RNF220: variants seen among roughly 807,000 people sequenced by gnomAD.
The protein encoded by RNF220 is E3 ubiquitin-protein ligase RNF220.
A neutral mutation model predicts 67.1 loss-of-function variants in RNF220; 7 were observed. The ratio of observed to expected loss-of-function variants is 0.10; its 90% CI spans 0.06 to 0.20. The LOEUF is 0.20. RNF220 is among the 10% of genes least tolerant of loss of function. The pLI is 1.00. For synonymous variants in RNF220, 270 were observed against 283.2 expected (o/e 0.95, Z 0.47); for missense variants, 565 against 740.3 (o/e 0.76, Z 2.75).
intron 4 of RNF220, among the ~76,000 whole-genome samples, chr1:44,625,156 A>G (rs1643903801): frequency 6.6e-6 from 1 of 152,180 alleles, no homozygotes; most frequent in South Asian, 2.1e-4. Context: ...GAAGGAGAAG[A>G]ACATTGCCTG....
At chr1:44,582,821 C>T (rs574500382) in intron 2 of RNF220, among the ~76,000 whole-genome samples, 92 of 148,668 alleles carry the variant, frequency 6.2e-4, no homozygotes, top group Non-Finnish European at 7.6e-4. Flanking sequence ...GTCAGGAGTT[C>T]GAGATCAGCC....
intron 2 of RNF220, among the ~76,000 whole-genome samples, chr1:44,455,386 A>C (rs1653075457): frequency 6.6e-6 from 1 of 152,222 alleles, no homozygotes; most frequent in African/African-American, 2.4e-5. Flanking sequence ...GGAAGAAAAG[A>C]AATGAAAATA....
intron 8 of RNF220, 62 bp downstream of exon 8, chr1:44,636,224 C>T: frequency 6.4e-7 from 1 of 1,563,874 alleles, no homozygotes; most frequent in Non-Finnish European, 8.7e-7. Flanking sequence ...GGGTATCCAT[C>T]TGCTGGAAGC....
At chr1:44,535,658 A>T (rs1661163260) in intron 2 of RNF220, among the ~76,000 whole-genome samples, 1 of 152,240 alleles carries the variant, frequency 6.6e-6, no homozygotes, top group Non-Finnish European at 1.5e-5. Flanking sequence ...TACCCACATC[A>T]GTCCTTCGAT....
chr1:44,453,326 G>A (rs1215987564), intron 2 of RNF220, among the ~76,000 whole-genome samples: 1 of 152,084 alleles, frequency 6.6e-6, no homozygotes, highest in Non-Finnish European at 1.5e-5. Context: ...GACTTCCAGT[G>A]CCATATTTAG....
intron 2 of RNF220, among the ~76,000 whole-genome samples, chr1:44,583,213 C>A (rs1665442081): frequency 6.8e-6 from 1 of 147,320 alleles, no homozygotes; most frequent in Admixed American, 6.6e-5. Flanking sequence ...CTTCCAGAAG[C>A]AGATATATAT....
At chr1:44,564,636 C>T (rs1471605268) in intron 2 of RNF220, among the ~76,000 whole-genome samples, 1 of 151,840 alleles carries the variant, frequency 6.6e-6, no homozygotes, top group Non-Finnish European at 1.5e-5. Context: ...ATCTGTAATG[C>T]CAGCTACTTG....
At chr1:44,563,494 C>T (rs1663751269) in intron 2 of RNF220, among the ~76,000 whole-genome samples, 1 of 152,194 alleles carries the variant, frequency 6.6e-6, no homozygotes, top group Admixed American at 6.5e-5. Context: ...GGGAGAGCTG[C>T]TGCATTTGCC....
At chr1:44,577,051 G>A (rs116309001) in intron 2 of RNF220, among the ~76,000 whole-genome samples, 1 of 152,312 alleles carries the variant, frequency 6.6e-6, no homozygotes, top group African/African-American at 2.4e-5. Flanking sequence ...TTAGAACACA[G>A]AGCAGAGGCT....
intron 2 of RNF220, among the ~76,000 whole-genome samples, chr1:44,490,476 C>CA (rs958591323): frequency 0.026 from 3,076 of 120,030 alleles, 63 homozygotes; most frequent in Middle Eastern, 0.081. Flanking sequence ...AACTTCATTC[C>CA]AAAAAAAAAA....
At chr1:44,407,505 C>T (rs1246663165) in intron 1 of RNF220, among the ~76,000 whole-genome samples, 3 of 152,006 alleles carry the variant, frequency 2.0e-5, no homozygotes, top group Non-Finnish European at 4.4e-5. Context: ...AGAGACCCGG[C>T]AAAAGTGGCG....
intron 2 of RNF220, among the ~76,000 whole-genome samples, chr1:44,554,933 A>G (rs897326351): frequency 6.6e-6 from 1 of 151,968 alleles, no homozygotes; most frequent in Non-Finnish European, 1.5e-5. Flanking sequence ...CACAATTCTG[A>G]TTCCTTAATT....
intron 2 of RNF220, among the ~76,000 whole-genome samples, chr1:44,552,864 C>T (rs1208728934): frequency 2.0e-5 from 3 of 152,122 alleles, no homozygotes; most frequent in Non-Finnish European, 4.4e-5. Context: ...CCACTGCGCC[C>T]GGCCTCTAAA....
At chr1:44,518,276 A>G (rs1255247109) in intron 2 of RNF220, among the ~76,000 whole-genome samples, 2 of 152,254 alleles carry the variant, frequency 1.3e-5, no homozygotes, top group Non-Finnish European at 2.9e-5. Flanking sequence ...AAATAAAAAA[A>G]TAAGCCAGAG....
rs967046913 is a variant in RNF220, at chr1:44,621,905, TGTGA to T, written c.759-833_759-830del. Among the ~76,000 whole-genome samples the T allele has an allele frequency of 1.3e-5, 2 of 151,474 alleles. No individual in the cohort carries two copies. Among genetic ancestry groups the T allele is most frequent in the Non-Finnish European group, 3.0e-5 (2 of 67,586 alleles). On this transcript the variant is annotated intron_variant, in intron 3 of 14. Transcript: ENST00000361799. The surrounding 1 kb of genome is among the most constrained non-coding windows in gnomAD (Gnocchi z 4.8). ...ACTTCTGTGAGCATGTGTGTGTGTG[TGTGA>T]GTGCACGCGCATGAATGTGCGAGCA...
At chr1:44,591,364 C>T (rs556699285) in intron 2 of RNF220, among the ~76,000 whole-genome samples, 2 of 152,260 alleles carry the variant, frequency 1.3e-5, no homozygotes, top group African/African-American at 2.4e-5. Flanking sequence ...GGTCACCTAT[C>T]GTCCATGCGC....
chr1:44,441,509 A>G (rs1651548791), intron 2 of RNF220, among the ~76,000 whole-genome samples: 1 of 152,252 alleles, frequency 6.6e-6, no homozygotes, highest in East Asian at 1.9e-4. Context: ...GAAGTAAAAG[A>G]CGCAGTCAAC....
rs1648064246 is a variant in RNF220, at chr1:44,412,479, G to T, written c.382G>T (p.Asp128Tyr). 6.2e-7 allele frequency: 1 copy of T among 1,611,376 alleles called. No individual in the cohort carries two copies. The highest frequency in any genetic ancestry group is 1.1e-5 in the South Asian group (1 of 90,992). Residue 128 changes from aspartate to tyrosine, a missense_variant, in exon 2 of 15, where the codon GAC becomes TAC. Physicochemically the swap from Asp to Tyr is radical, Grantham distance 160. Transcript: ENST00000361799. The surrounding 1 kb of genome is among the most constrained non-coding windows in gnomAD (Gnocchi z 5.3). ...TTTCCGGCCCTTTGCCTCCACCGAGGACCGGGAGAGCTATCAGTCAGCCTT... is the reference window on the plus strand; with the variant it reads ...TTTCCGGCCCTTTGCCTCCACCGAGTACCGGGAGAGCTATCAGTCAGCCTT... ...GAFRPFASTEDRESYQSAFTP... is the reference protein window; with the variant it reads ...GAFRPFASTEYRESYQSAFTP...
intron 2 of RNF220, among the ~76,000 whole-genome samples, chr1:44,514,421 A>G (rs776861937): frequency 6.6e-6 from 1 of 152,216 alleles, no homozygotes; most frequent in Non-Finnish European, 1.5e-5. Flanking sequence ...CCTGAGAGGA[A>G]GACTTCAGGG....
Sources: allele counts gnomAD v4.1 joint callset (sites outside exome capture counted in the v4.1 genomes callset), GRCh38; gene constraint gnomAD v4.1.1; non-coding constraint Gnocchi (gnomAD v3.1); transcripts MANE v1.5; gene names NCBI Gene and HGNC (gene_info 2026-07-23, HGNC 2026-07-21).